The following PDE7B variants were observed in gnomAD, a reference collection of about 807,000 sequenced individuals.
The protein encoded by PDE7B is 3',5'-cyclic-AMP phosphodiesterase 7B.
In PDE7B, 29 loss-of-function variants were observed where a neutral mutation model predicts 56.2. That is an observed-to-expected ratio of 0.52 (90% confidence interval 0.38 to 0.70). The LOEUF is 0.70. PDE7B is among the 30% of genes least tolerant of loss of function. The pLI, the probability that PDE7B is intolerant of heterozygous loss-of-function variation, is 0.00. For missense variants in PDE7B, 490 were observed against 565.0 expected (o/e 0.87, Z 1.35); for synonymous variants, 197 against 196.9 (o/e 1.00, Z 0.00).
intron 12 of PDE7B, among the ~76,000 whole-genome samples, chr6:136,189,880 G>GC (rs1779194826): frequency 6.6e-6 from 1 of 152,146 alleles, no homozygotes; most frequent in African/African-American, 2.4e-5. Flanking sequence ...CTGCCTCTTG[G>GC]TGTCTATTCA....
At chr6:135,946,814 T>C (rs1774603520) in intron 1 of PDE7B, among the ~76,000 whole-genome samples, 1 of 152,126 alleles carries the variant, frequency 6.6e-6, no homozygotes, top group Non-Finnish European at 1.5e-5. Context: ...TTTGTCAATA[T>C]ACTCATCATA....
chr6:135,866,095 CAAAAGT>C (rs1221075918), intron 1 of PDE7B, among the ~76,000 whole-genome samples: 1 of 151,994 alleles, frequency 6.6e-6, no homozygotes, highest in Admixed American at 6.6e-5. Flanking sequence ...CTTTAAAAAA[CAAAAGT>C]AGAACACACA....
intron 8 of PDE7B, among the ~76,000 whole-genome samples, chr6:136,159,701 CACAG>C (rs1778671273): frequency 6.6e-6 from 1 of 152,318 alleles, no homozygotes. Flanking sequence ...AAAATGAAAA[CACAG>C]ACAATGTTCC....
rs535052787 is a variant in PDE7B at position 136,016,343 on chromosome 6, G to T, written c.82+68819G>T. On this transcript the variant is annotated intron_variant, in intron 2 of 12. Transcript: ENST00000308191. ...CTTTTCTATGGCATTTGAATATTGT[G>T]TGTGGACTTCAGCAGACTGATTGTG... Among the ~76,000 whole-genome samples the T allele has an allele frequency of 3.3e-5, 5 of 152,248 alleles. No individual in the cohort carries two copies. The South Asian group carries it at 1.0e-3, about 32-fold the overall frequency.
At chr6:136,142,874 A>G (rs975977849) in intron 3 of PDE7B, among the ~76,000 whole-genome samples, 57 of 152,208 alleles carry the variant, frequency 3.7e-4, no homozygotes, top group African/African-American at 1.3e-3. Context: ...TCCTGAATAC[A>G]GCACACTGAT....
intron 8 of PDE7B, chr6:136,165,748 C>G (rs560431274): frequency 6.6e-6 from 1 of 152,296 alleles, no homozygotes; most frequent in East Asian, 1.9e-4. Flanking sequence ...TTTAAACAAC[C>G]TTCCTGGAAA....
intron 2 of PDE7B, among the ~76,000 whole-genome samples, chr6:136,075,884 G>T (rs1450054393): frequency 6.6e-6 from 1 of 152,130 alleles, no homozygotes; most frequent in African/African-American, 2.4e-5. Context: ...TCTTGATTAT[G>T]TATCTCATTT....
rs1354490741 is a variant in PDE7B at position 136,009,979 on chromosome 6, T to G, written c.82+62455T>G. ...CAGCTCTGATTTCGATTACTTGTCT[T>G]CTGCTAGCTTTGGGGTTGATTTGTT... On this transcript the variant is annotated intron_variant, in intron 2 of 12. Transcript: ENST00000308191. Among the ~76,000 whole-genome samples, 6 of 152,200 alleles carry G rather than the reference T, an allele frequency of 3.9e-5. No homozygotes were observed. The East Asian group carries it at 1.2e-3, about 29-fold the overall frequency.
intron 1 of PDE7B, among the ~76,000 whole-genome samples, chr6:135,885,886 C>T (rs1453700969): frequency 6.6e-6 from 1 of 151,430 alleles, no homozygotes; most frequent in Non-Finnish European, 1.5e-5. Context: ...ACAAGATGCT[C>T]TGGCGGACTC....
At chr6:135,948,876 TAGATAGATAGATAGATAGATAGACAGAC>T (rs1180608752) in intron 2 of PDE7B, among the ~76,000 whole-genome samples, 43 of 147,892 alleles carry the variant, frequency 2.9e-4, no homozygotes, top group African/African-American at 1.0e-3. Context: ...GATAGATAGA[TAGATAGATAGATAGATAGATAGACAGAC>T]AGACAGACAG....
intron 2 of PDE7B, among the ~76,000 whole-genome samples, chr6:135,972,643 A>C (rs1775113515): frequency 6.6e-6 from 1 of 152,218 alleles, no homozygotes; most frequent in South Asian, 2.1e-4. Context: ...TTTAAAAATA[A>C]TAACTTCAGT....
chr6:135,871,047 C>G (rs1215385050), intron 1 of PDE7B, among the ~76,000 whole-genome samples: 1 of 152,142 alleles, frequency 6.6e-6, no homozygotes, highest in East Asian at 1.9e-4. Flanking sequence ...GCTGAGGCTT[C>G]CAGTTTGGAC....
At chr6:135,928,472 T>C (rs1278955517) in intron 1 of PDE7B, among the ~76,000 whole-genome samples, 13 of 22,180 alleles carry the variant, frequency 5.9e-4, no homozygotes, top group Non-Finnish European at 7.9e-4. Context: ...TATTTATTTA[T>C]ATATATATAT....
chr6:136,003,862 A>G (rs987937586), intron 2 of PDE7B, among the ~76,000 whole-genome samples: 2 of 152,346 alleles, frequency 1.3e-5, no homozygotes, highest in East Asian at 1.9e-4. Flanking sequence ...TAAGGCCAGC[A>G]TCATCCTGAT....
At chr6:135,854,676 G>T (rs1272501115) in intron 1 of PDE7B, among the ~76,000 whole-genome samples, 5 of 152,180 alleles carry the variant, frequency 3.3e-5, no homozygotes, top group African/African-American at 1.2e-4. Context: ...CTGTCCACAG[G>T]AGAGTAGCTG....
At chr6:136,165,002 G>T (rs1398508981) in intron 8 of PDE7B, among the ~76,000 whole-genome samples, 3 of 152,152 alleles carry the variant, frequency 2.0e-5, no homozygotes, top group African/African-American at 7.2e-5. Context: ...TACATCTTTT[G>T]TAACCACTTA....
chr6:136,108,598 C>T (rs530034272), intron 2 of PDE7B, 133 bp from the exon 3 acceptor site: 4 of 692,154 alleles, frequency 5.8e-6, no homozygotes, highest in South Asian at 4.7e-5. Flanking sequence ...TTCCACATAG[C>T]ACTCTTCAGT....
At chr6:135,901,540 G>T (rs1300454274) in intron 1 of PDE7B, among the ~76,000 whole-genome samples, 2 of 152,158 alleles carry the variant, frequency 1.3e-5, no homozygotes, top group South Asian at 2.1e-4. Flanking sequence ...TGGAATTGGG[G>T]TACTCTCTTC....
chr6:135,901,984 G>A (rs1026656905), intron 1 of PDE7B, among the ~76,000 whole-genome samples: 1 of 152,072 alleles, frequency 6.6e-6, no homozygotes, highest in African/African-American at 2.4e-5. Flanking sequence ...TCCATATCTG[G>A]TTGAACGATA....
Sources: allele counts gnomAD v4.1 joint callset (sites outside exome capture counted in the v4.1 genomes callset), GRCh38; gene constraint gnomAD v4.1.1; transcripts MANE v1.5; gene names NCBI Gene and HGNC (gene_info 2026-07-23, HGNC 2026-07-21).